The following OGDHL variants were observed in gnomAD, a reference collection of about 807,000 sequenced individuals.
The protein encoded by OGDHL is oxoglutarate dehydrogenase L.
In OGDHL, 79 loss-of-function variants were observed where a neutral mutation model predicts 109.6. That is an observed-to-expected ratio of 0.72 (90% CI 0.60 to 0.87). The LOEUF (loss-of-function observed/expected upper bound fraction) is 0.87. OGDHL is among the 40% of genes least tolerant of loss of function. The pLI is 0.00. For missense variants in OGDHL, 1,275 were observed against 1,362.2 expected (o/e 0.94, Z 1.01); for synonymous variants, 528 against 537.2 (o/e 0.98, Z 0.24).
Position 49,746,890 on chromosome 10 carries a change from G to T in OGDHL, c.1168-12C>A, listed in dbSNP as rs372736988. 8 of 1,614,050 alleles carry T rather than the reference G, an allele frequency of 5.0e-6. No individual in the cohort carries two copies. Among genetic ancestry groups the T allele is most frequent in the Non-Finnish European group, 6.8e-6 (8 of 1,179,950 alleles). ...AGGATGGACATGACCTGCAGGGCAG[G>T]TGTGAGCCAGGAGGGGCTGCGTGCC... On this transcript the variant is annotated splice_polypyrimidine_tract_variant and intron_variant, in intron 9 of 22. Coordinates refer to ENST00000374103, the MANE Select transcript of OGDHL (RefSeq NM_018245.3).
At chr10:49,741,865 T>TACACACACCACACATACC (rs1289495724) in intron 15 of OGDHL, among the ~76,000 whole-genome samples, 22 of 122,742 alleles carry the variant, frequency 1.8e-4, no homozygotes, top group African/African-American at 2.9e-4. Flanking sequence ...CCACACACAC[T>TACACACACCACACATACC]ACACACACCA....
chr10:49,735,046 C>A lies in OGDHL; in HGVS notation c.*182G>T. 1 of 675,410 alleles carries A rather than the reference C, an allele frequency of 1.5e-6. No individual in the cohort carries two copies. The highest frequency in any genetic ancestry group is 2.4e-6 in the Non-Finnish European group (1 of 412,948). 41.8% of individuals were successfully genotyped at this position (675,410 alleles called of 1,614,324 possible). Reference sequence around the variant, plus strand: ...ATAGGACTCCTCTGGCTCCCTCAGTCCTGGTAGATTCTGGCATGACACCAA... The same window carrying A: ...ATAGGACTCCTCTGGCTCCCTCAGTACTGGTAGATTCTGGCATGACACCAA... On this transcript the variant is annotated 3_prime_UTR_variant, in exon 23 of 23. Coordinates refer to ENST00000374103, the MANE Select transcript of OGDHL (RefSeq NM_018245.3).
intron 19 of OGDHL, 39 bp downstream of exon 19, chr10:49,737,908 C>T (rs112990735): frequency 6.2e-7 from 1 of 1,614,002 alleles, no homozygotes; most frequent in South Asian, 1.1e-5. Flanking sequence ...CCTGGCCAGG[C>T]CCCCTGCCTG....
rs146423094 is a variant in OGDHL at position 49,737,817 on chromosome 10, C to T, written c.2559G>A (p.Glu853=). Residue 853 remains glutamate (E), a synonymous_variant, in exon 20 of 23, where the codon GAG becomes GAA. Coordinates refer to ENST00000374103, the MANE Select transcript of OGDHL (RefSeq NM_018245.3). ...FTPKSLLRHP[E]AKSSFDQMVS... is the part of the protein sequence containing the mutation. ...CCATTTGGTCAAAGCTGGACTTGGC[C>T]TCTGGGTGCCTCAGCAGAGATTTAG... 5.0e-6 allele frequency: 8 copies of T among 1,614,116 alleles called. No homozygotes were observed. Among genetic ancestry groups the T allele is most frequent in the Non-Finnish European group, 3.4e-6 (4 of 1,180,050 alleles).
At chr10:49,743,853 T>A in intron 14 of OGDHL, 141 bp downstream of exon 14, 1 of 1,029,348 alleles carries the variant, frequency 9.7e-7, no homozygotes, top group Non-Finnish European at 1.4e-6. Context: ...ACAGACATGG[T>A]GCCGAGAGCT....
chr10:49,734,794 T>G lies in OGDHL; in HGVS notation c.*434A>C, dbSNP rs1841019059. On this transcript the variant is annotated 3_prime_UTR_variant, in exon 23 of 23. Coordinates refer to ENST00000374103, the MANE Select transcript of OGDHL (RefSeq NM_018245.3). ...AATCACCCAGCAGGTTCGCTTCACCTGGCTGTTACTGCTGAACTCCCTACT... is the reference window on the plus strand; with the variant it reads ...AATCACCCAGCAGGTTCGCTTCACCGGGCTGTTACTGCTGAACTCCCTACT... The G allele has an allele frequency of 6.5e-6, 1 of 154,294 alleles. No individual in the cohort carries two copies. The highest frequency in any genetic ancestry group is 1.4e-5 in the Non-Finnish European group (1 of 69,570). The allele number at this position is 154,294 out of a possible 1,614,324, so 9.6% of individuals were successfully genotyped here.
At chr10:49,761,523 T>C (rs1564567340) in intron 1 of OGDHL, among the ~76,000 whole-genome samples, 2 of 152,344 alleles carry the variant, frequency 1.3e-5, no homozygotes, top group East Asian at 3.9e-4. Flanking sequence ...AGATGAGCTT[T>C]TGCTCAGCAA....
At chr10:49,742,710 C>A in intron 15 of OGDHL, 118 bp downstream of exon 15, 4 of 1,322,264 alleles carry the variant, frequency 3.0e-6, no homozygotes, top group Non-Finnish European at 4.1e-6. Flanking sequence ...CACCTGAGGG[C>A]AGGGGCTAGG....
Position 49,752,624 on chromosome 10 carries a change from AG to A in OGDHL, c.478+13del. 38 of 1,610,516 alleles carry A rather than the reference AG, an allele frequency of 2.4e-5. No individual in the cohort carries two copies. Among genetic ancestry groups the A allele is most frequent in the Non-Finnish European group, 3.2e-5 (38 of 1,176,674 alleles). ...ACACAGCACTGCCATGGCCGTCCTGAGGAAGGGTCTTACCCAGTTTATCAAT... is the reference window on the plus strand; with the variant it reads ...ACACAGCACTGCCATGGCCGTCCTGAGAAGGGTCTTACCCAGTTTATCAAT... On this transcript the variant is annotated intron_variant, in intron 4 of 22. Transcript: ENST00000374103.
chr10:49,741,325 C>T (rs367947992), intron 15 of OGDHL, among the ~76,000 whole-genome samples: 4 of 152,162 alleles, frequency 2.6e-5, no homozygotes, highest in Admixed American at 2.0e-4. Context: ...AAGTGAGGGG[C>T]GCCTGGCTGA....
chr10:49,750,911 G>A lies in OGDHL; in HGVS notation c.824C>T (p.Pro275Leu). 1 of 1,612,612 alleles carries A rather than the reference G, an allele frequency of 6.2e-7. No individual in the cohort carries two copies. Among genetic ancestry groups the A allele is most frequent in the Non-Finnish European group, 8.5e-7 (1 of 1,179,312 alleles). ...FGLEGCEVMIPALKTIIDKSS... is the reference protein window; with the variant it reads ...FGLEGCEVMILALKTIIDKSS... ...TTTGTCGATGATGGTCTTGAGGGCA[G>A]GAATCATCACTTCACAGCCCTCCAG... The change falls in exon 7 of 23, where the codon CCT becomes CTT. Residue 275 changes from proline (P) to leucine (L), a missense_variant. Transcript: ENST00000374103.
chr10:49,736,010 C>A lies in OGDHL; in HGVS notation c.2909+13G>T. 6.5e-7 allele frequency: 1 copy of A among 1,548,938 alleles called. No homozygotes were observed. The highest frequency in any genetic ancestry group is 8.7e-7 in the Non-Finnish European group (1 of 1,147,482). On this transcript the variant is annotated intron_variant, in intron 22 of 22. Transcript: ENST00000374103. ...GGCCGAGGTGAGGGGCAATCAGCGG[C>A]CCCACCATGTACCATATGGGCCGTG...
In OGDHL at chr10:49,745,340, C is replaced by A; in HGVS notation, c.1629+4G>T. 6.2e-7 allele frequency: 1 copy of A among 1,613,342 alleles called. No homozygotes were observed. Among genetic ancestry groups the A allele is most frequent in the Non-Finnish European group, 8.5e-7 (1 of 1,179,932 alleles). The stretch of plus-strand genomic sequence containing the variant: ...TTGGGCGCCCCTGCAGCCTGCCTGC[C>A]CACCTCAAACTCCTGCAGGGTGACT... On this transcript the variant is annotated splice_donor_region_variant and intron_variant, in intron 12 of 22. Transcript: ENST00000374103.
In OGDHL at chr10:49,742,802, C is replaced by A; in HGVS notation, c.2012+26G>T. 7 of 1,602,182 alleles carry A rather than the reference C, an allele frequency of 4.4e-6. No homozygotes were observed. The South Asian group carries it at 7.8e-5, about 18-fold the overall frequency. On this transcript the variant is annotated intron_variant, in intron 15 of 22. Transcript: ENST00000374103. ...CAGCTTCTGCTCCAGGTCTCCTGTG[C>A]GGATGCTGAGCCCCACTGCGCTCAC...
chr10:49,744,262 G>A, intron 13 of OGDHL, 140 bp from the exon 14 acceptor site: 2 of 1,083,838 alleles, frequency 1.8e-6, no homozygotes. Flanking sequence ...CCCACCCTTG[G>A]GACCTGGGAC....
intron 1 of OGDHL, chr10:49,758,800 A>G: frequency 1.7e-6 from 1 of 604,518 alleles, no homozygotes; most frequent in Admixed American, 2.9e-5. Context: ...AAACTCTATC[A>G]ATAGATATCA....
At position 49,742,456 on chromosome 10, in the gene OGDHL, C is replaced by T. The variant is rs368495069; in HGVS notation, c.2012+372G>A. On this transcript the variant is annotated intron_variant, in intron 15 of 22. Coordinates refer to ENST00000374103, the MANE Select transcript of OGDHL (RefSeq NM_018245.3). ...ACATACAACAAACACACCACACACA[C>T]GCACCACACACACCCCCTATACACT... Among the ~76,000 whole-genome samples, 1,165 of 134,202 alleles carry T rather than the reference C, an allele frequency of 8.7e-3. 43 individuals are homozygous for T. Among genetic ancestry groups the T allele is most frequent in the Admixed American group, 0.036 (436 of 12,206 alleles). The allele number at this position is 134,202 out of a possible 152,430, so 88.0% of individuals were successfully genotyped here.
rs1438441435 is a variant in OGDHL at position 49,752,635 on chromosome 10, T to C, written c.478+3A>G. On this transcript the variant is annotated splice_donor_region_variant and intron_variant, in intron 4 of 22. Coordinates refer to ENST00000374103, the MANE Select transcript of OGDHL (RefSeq NM_018245.3). ...CCATGGCCGTCCTGAGGAAGGGTCT[T>C]ACCCAGTTTATCAATGGTTGTGATC... is the stretch of plus-strand genomic sequence containing the variant. 1 of 1,613,476 alleles carries C rather than the reference T, an allele frequency of 6.2e-7. No individual in the cohort carries two copies. The highest frequency in any genetic ancestry group is 1.7e-5 in the Admixed American group (1 of 60,030).
chr10:49,747,230 T>G (rs1159331340), intron 8 of OGDHL, 22 bp from the exon 9 acceptor site: 2 of 1,609,788 alleles, frequency 1.2e-6, no homozygotes, highest in Non-Finnish European at 1.7e-6. Flanking sequence ...GATGGGAACA[T>G]GATGGATCCT....
Sources: gnomAD v4.1 joint callset for allele counts (sites outside exome capture counted in the v4.1 genomes callset) on GRCh38, gnomAD v4.1.1 for gene constraint, MANE v1.5 for transcripts, NCBI Gene and HGNC (gene_info 2026-07-23, HGNC 2026-07-21) for gene names.